Variants in PCDHGA5 observed in about 807,000 individuals in gnomAD.
PCDHGA5 encodes protocadherin gamma-A5.
A neutral mutation model predicts 56.7 loss-of-function variants in PCDHGA5; 36 were observed. The ratio of observed to expected loss-of-function variants is 0.64; its 90% CI spans 0.49 to 0.84. The LOEUF (loss-of-function observed/expected upper bound fraction) is 0.84. Ranked by LOEUF, PCDHGA5 falls within the 40% of genes least tolerant of loss-of-function variation. The probability of loss-of-function intolerance (pLI) is 0.00; values close to 1 mark genes in which losing one functional copy is unlikely to be tolerated. For missense variants in PCDHGA5, 1,305 were observed against 1,201.5 expected, an observed-to-expected ratio of 1.09 and a Z score of -1.27; for synonymous variants, 563 against 520.2, an observed-to-expected ratio of 1.08 and a Z score of -1.12.
chr5:141,364,424 C>G lies in PCDHGA5; in HGVS notation c.94C>G (p.Arg32Gly). 3 of 1,613,572 alleles carry G rather than the reference C, an allele frequency of 1.9e-6. No homozygotes were observed. The highest frequency in any genetic ancestry group is 1.7e-6 in the Non-Finnish European group (2 of 1,179,640). Reference sequence around the variant, plus strand: ...GTGCGAGCCAGGATCCGGGCAGATCCGCTACTCGATGCCGGAGGAGCTGGA... The same window carrying G: ...GTGCGAGCCAGGATCCGGGCAGATCGGCTACTCGATGCCGGAGGAGCTGGA... ...TLCEPGSGQI[R>G]YSMPEELDKG... is the part of the protein sequence containing the mutation. The change falls in exon 1 of 4, where the codon CGC becomes GGC. Residue 32 changes from arginine to glycine, a missense_variant. Arg to Gly is a moderately radical substitution (Grantham distance 125). Transcript: ENST00000518069.
At chr5:141,422,758 A>G in intron 1 of PCDHGA5, 1 of 1,613,150 alleles carries the variant, frequency 6.2e-7, no homozygotes, top group Non-Finnish European at 8.5e-7. Flanking sequence ...TATTAACTCC[A>G]ACACTGGTGT....
intron 1 of PCDHGA5, chr5:141,372,934 G>A (rs1469163224): frequency 3.5e-6 from 3 of 866,562 alleles, no homozygotes; most frequent in Non-Finnish European, 5.1e-6. Flanking sequence ...CTGGTGTAGA[G>A]TAGGGTGTCT....
chr5:141,400,099 T>G (rs574278907), intron 1 of PCDHGA5: 1 of 1,614,072 alleles, frequency 6.2e-7, no homozygotes, highest in African/African-American at 1.3e-5. Flanking sequence ...CACGCTGCAC[T>G]TGGTCTTTGC....
intron 1 of PCDHGA5, chr5:141,375,368 A>C: frequency 1.2e-6 from 2 of 1,613,872 alleles, no homozygotes; most frequent in Non-Finnish European, 1.7e-6. Flanking sequence ...GGACAAAGGA[A>C]CACCACCTCT....
At chr5:141,392,247 T>C (rs1228504452) in intron 1 of PCDHGA5, 1 of 152,196 alleles carries the variant, frequency 6.6e-6, no homozygotes, top group Non-Finnish European at 1.5e-5. Context: ...TATTTGTTAG[T>C]ATATATTGGA....
chr5:141,402,918 A>C (rs766546022), intron 1 of PCDHGA5: 55 of 1,569,938 alleles, frequency 3.5e-5, no homozygotes, highest in Non-Finnish European at 4.7e-5. Flanking sequence ...GCGCGCACAG[A>C]GATCCTTTTG....
At position 141,431,636 on chromosome 5, in the gene PCDHGA5, A is replaced by C; in HGVS notation, c.2422-63171A>C. 1 of 1,614,254 alleles carries C rather than the reference A, an allele frequency of 6.2e-7. No individual in the cohort carries two copies. On this transcript the variant is annotated intron_variant, in intron 1 of 3. Transcript: ENST00000518069. This position sits in a 1 kb window ranked among gnomAD's most constrained non-coding sequence, Gnocchi z 4.8. ...GGACGACAAGGCGGCCCAAGTTTTC[A>C]AACTAGATTGTAATTCAGGGACAAT... is the stretch of plus-strand genomic sequence containing the variant.
intron 1 of PCDHGA5, chr5:141,394,707 C>T (rs1325466311): frequency 1.2e-6 from 2 of 1,613,272 alleles, no homozygotes; most frequent in Non-Finnish European, 1.7e-6. Context: ...GGCGCGAGCC[C>T]TGCTGGACAG....
intron 1 of PCDHGA5, chr5:141,405,493 C>T: frequency 1.2e-6 from 1 of 841,642 alleles, no homozygotes; most frequent in Middle Eastern, 3.1e-4. Flanking sequence ...GATCTCGGCT[C>T]ATTGCAACCT....
At chr5:141,436,239 G>T (rs1426798903) in intron 1 of PCDHGA5, among the ~76,000 whole-genome samples, 2 of 152,012 alleles carry the variant, frequency 1.3e-5, no homozygotes, top group South Asian at 2.1e-4. Flanking sequence ...AAGCTAACAT[G>T]GTCTAATTAT....
At chr5:141,404,495 T>A in intron 1 of PCDHGA5, 1 of 1,613,920 alleles carries the variant, frequency 6.2e-7, no homozygotes, top group South Asian at 1.1e-5. Context: ...TGGTGTGCTG[T>A]ATGCTCTGTG....
At chr5:141,437,652 A>T (rs899628392) in intron 1 of PCDHGA5, among the ~76,000 whole-genome samples, 1 of 152,196 alleles carries the variant, frequency 6.6e-6, no homozygotes, top group African/African-American at 2.4e-5. Context: ...AAGCAAACAC[A>T]TAGTTTCGAA....
At chr5:141,371,558 A>G in intron 1 of PCDHGA5, 1 of 1,613,764 alleles carries the variant, frequency 6.2e-7, no homozygotes, top group Non-Finnish European at 8.5e-7. Context: ...AACTAAAAGG[A>G]AACTTCCCCT....
chr5:141,399,528 C>T (rs749580875), intron 1 of PCDHGA5: 10 of 1,613,928 alleles, frequency 6.2e-6, no homozygotes, highest in Non-Finnish European at 7.6e-6. Context: ...GGGCCTCCAT[C>T]GCGCAAGTCT....
rs761202330 is a variant in PCDHGA5 at position 141,489,878 on chromosome 5, C to T, written c.2422-4929C>T. 1.1e-5 allele frequency: 17 copies of T among 1,614,116 alleles called. No individual in the cohort carries two copies. In the East Asian group the frequency reaches 3.6e-4, roughly 34 times the overall value. On this transcript the variant is annotated intron_variant, in intron 1 of 3. Transcript: ENST00000518069. This position sits in a 1 kb window ranked among gnomAD's most constrained non-coding sequence, Gnocchi z 4.5. ...CAGGCAAGACATCAGCTGGTGCTTA[C>T]TGCTGTGGATGGGGGGACCCCAGCC... is the stretch of plus-strand genomic sequence containing the variant.
rs1267535064 is a variant in PCDHGA5, at chr5:141,395,542, T to TTGTTTGTG, written c.2421+28794_2421+28795insTTGTGTGT. On this transcript the variant is annotated intron_variant, in intron 1 of 3. Coordinates refer to ENST00000518069, the MANE Select transcript of PCDHGA5 (RefSeq NM_018918.3). Reference sequence around the variant, plus strand: ...TCCATACTGGTAATTTTGCTATTGTTTGTGTGTGTGTGTGTGTGTGTGTGT... The same window carrying TTGTTTGTG: ...TCCATACTGGTAATTTTGCTATTGTTTGTTTGTGTGTGTGTGTGTGTGTGTGTGTGTGT... 308 of 172,612 alleles carry TTGTTTGTG rather than the reference T, an allele frequency of 1.8e-3. 2 individuals are homozygous for TTGTTTGTG. Among genetic ancestry groups the TTGTTTGTG allele is most frequent in the African/African-American group, 0.017 (292 of 17,534 alleles). The allele number at this position is 172,612 out of a possible 1,614,324, so 10.7% of individuals were successfully genotyped here.
intron 1 of PCDHGA5, chr5:141,421,807 G>C (rs1435916603): frequency 6.2e-7 from 1 of 1,613,852 alleles, no homozygotes; most frequent in Admixed American, 1.7e-5. Flanking sequence ...CAAGAATCCA[G>C]AGCTAGTACT....
At chr5:141,435,805 T>C (rs2097780946) in intron 1 of PCDHGA5, among the ~76,000 whole-genome samples, 1 of 152,178 alleles carries the variant, frequency 6.6e-6, no homozygotes, top group African/African-American at 2.4e-5. Flanking sequence ...GTCCCAATTA[T>C]TTTTTCTTTC....
chr5:141,372,258 C>A (rs762173867), intron 1 of PCDHGA5: 22 of 1,612,952 alleles, frequency 1.4e-5, no homozygotes, highest in Non-Finnish European at 1.9e-5. Context: ...CCTGGGCCTG[C>A]GCACGGGTGA....
Sources: allele counts gnomAD v4.1 joint callset (sites outside exome capture counted in the v4.1 genomes callset), GRCh38; gene constraint gnomAD v4.1.1; non-coding constraint Gnocchi (gnomAD v3.1); transcripts MANE v1.5; gene names NCBI Gene and HGNC (gene_info 2026-07-23, HGNC 2026-07-21).